ACADVL: variants seen among roughly 807,000 people sequenced by gnomAD.
The protein encoded by ACADVL is very long-chain acyl-CoA dehydrogenase, mitochondrial.
ACADVL carries 73 observed loss-of-function variants against 80.4 expected under a neutral mutation model. That is an observed-to-expected ratio of 0.91 (90% CI 0.75 to 1.10). ACADVL has a LOEUF of 1.10. Ranked by LOEUF, ACADVL falls within the 50% of genes least tolerant of loss-of-function variation. The probability of loss-of-function intolerance (pLI) is 0.00; values close to 1 mark genes in which losing one functional copy is unlikely to be tolerated. For missense variants in ACADVL, 878 were observed against 858.9 expected (o/e 1.02, Z -0.28); for synonymous variants, 392 against 326.5 (o/e 1.20, Z -2.16).
upstream of ACADVL, chr17:7,217,848 A>G: frequency 1.3e-6 from 2 of 1,530,070 alleles, no homozygotes; most frequent in Non-Finnish European, 1.8e-6. Flanking sequence ...AGAAGGAAGC[A>G]TCTATAGTTG....
chr17:7,223,008 C>T (rs1343147414), intron 10 of ACADVL, 125 bp from the exon 11 acceptor site: 1 of 1,437,872 alleles, frequency 7.0e-7, no homozygotes. Flanking sequence ...CTTAGGTCTC[C>T]ATCCAGCGTA....
At chr17:7,217,319 G>A, upstream of ACADVL, 1 of 968,932 alleles carries the variant, frequency 1.0e-6, no homozygotes, top group Non-Finnish European at 1.4e-6. Context: ...GGGAAGGGGA[G>A]GGGAGCGTGG....
intron 6 of ACADVL, 58 bp downstream of exon 6, chr17:7,221,116 C>A: frequency 1.2e-6 from 2 of 1,610,582 alleles, no homozygotes; most frequent in Non-Finnish European, 1.7e-6. Flanking sequence ...GCAGACTCAG[C>A]TCTTTTGCCA....
At chr17:7,222,960 C>A in intron 10 of ACADVL, 95 bp downstream of exon 10, 1 of 1,498,854 alleles carries the variant, frequency 6.7e-7, no homozygotes, top group Non-Finnish European at 9.2e-7. Context: ...ACTCCCTACA[C>A]TAGAAACTCC....
chr17:7,219,825 C>G (rs988173181), upstream of ACADVL: 6 of 1,534,192 alleles, frequency 3.9e-6, no homozygotes, highest in Admixed American at 4.0e-5. Flanking sequence ...GGGCCGGGCT[C>G]CAGGGAACTA....
chr17:7,222,641 T>C, intron 9 of ACADVL, 26 bp from the exon 10 acceptor site: 2 of 1,600,572 alleles, frequency 1.2e-6, no homozygotes, highest in Middle Eastern at 1.7e-4. Context: ...AACACACCTC[T>C]GCTTTCCCAC....
rs1295605212 is a variant in ACADVL, at chr17:7,224,542, G to C, written c.1668G>C (p.Lys556Asn). 2 of 1,606,942 alleles carry C rather than the reference G, an allele frequency of 1.2e-6. No homozygotes were observed. Among genetic ancestry groups the C allele is most frequent in the Non-Finnish European group, 1.7e-6 (2 of 1,177,882 alleles). ...AGGCCAAGCTGATAAAACACAAGAA[G>C]GGGATTGTCAGTAAGTGAGCTCTAC... ...VVEAKLIKHK[K>N]GIVNEQFLLQ... The change falls in exon 17 of 20, where the codon AAG becomes AAC. Residue 556 changes from lysine (K) to asparagine (N), a missense_variant. By Grantham distance (94) the Lys-to-Asn change is moderately conservative (BLOSUM62 0). Transcript: ENST00000356839.
rs2071266609 is a variant in ACADVL, at chr17:7,222,227, C to T, written c.803C>T (p.Thr268Ile). ...ACGGTCTTTGCCAAGACACCAGTTACAGATCCAGCCACAGGAGCCGTGAAG... is the reference window on the plus strand; with the variant it reads ...ACGGTCTTTGCCAAGACACCAGTTATAGATCCAGCCACAGGAGCCGTGAAG... Reference protein sequence around the residue: ...IFTVFAKTPVTDPATGAVKEK... With the variant: ...IFTVFAKTPVIDPATGAVKEK... The change falls in exon 9 of 20, where the codon ACA becomes ATA. Residue 268 changes from threonine (T) to isoleucine (I), a missense_variant. Transcript: ENST00000356839. The T allele has an allele frequency of 6.2e-7, 1 of 1,613,946 alleles. No homozygotes were observed. The highest frequency in any genetic ancestry group is 1.3e-5 in the African/African-American group (1 of 74,886).
At position 7,221,398 on chromosome 17, in the gene ACADVL, A is replaced by G. The variant is rs1254742500; in HGVS notation, c.478-140A>G. On this transcript the variant is annotated intron_variant, in intron 6 of 19. Coordinates refer to ENST00000356839, the MANE Select transcript of ACADVL (RefSeq NM_000018.4). ...TGCACACCCCACTTCTTTTCTACACACTGGGGATGGCCCAGGTCAGGCACT... is the reference window on the plus strand; with the variant it reads ...TGCACACCCCACTTCTTTTCTACACGCTGGGGATGGCCCAGGTCAGGCACT... 21 of 1,433,996 alleles carry G rather than the reference A, an allele frequency of 1.5e-5. No individual in the cohort carries two copies. The Admixed American group carries it at 2.7e-4, about 19-fold the overall frequency. The allele number at this position is 1,433,996 out of a possible 1,614,324, so 88.8% of individuals were successfully genotyped here. A position where few individuals can be genotyped will look rare whatever the true frequency, so the allele number is the denominator to read the frequency against.
intron 1 of ACADVL, 35 bp from the exon 2 acceptor site, chr17:7,220,087 G>C (rs774905326): frequency 6.3e-7 from 1 of 1,594,024 alleles, no homozygotes; most frequent in Non-Finnish European, 8.5e-7. Flanking sequence ...GCGGCCCTGG[G>C]CACCGGGCCG....
At chr17:7,219,875 C>T (rs78514016), upstream of ACADVL, 7,848 of 1,540,706 alleles carry the variant, frequency 5.1e-3, 31 homozygotes, top group Non-Finnish European at 6.0e-3. Context: ...CCGTCCGCCG[C>T]CCGGTGCACT....
chr17:7,222,510 CCTTAGCCCTCAGGGCCTGAGG>C, intron 9 of ACADVL, 136 bp from the exon 10 acceptor site: 1 of 1,146,274 alleles, frequency 8.7e-7, no homozygotes, highest in Non-Finnish European at 1.2e-6. Context: ...AGCCAGGCCT[CCTTAGCCCTCAGGGCCTGAGG>C]GGAAGTGGTG....
In ACADVL at chr17:7,222,961, T is replaced by C. The variant is rs1048070962; in HGVS notation, c.1077+96T>C. On this transcript the variant is annotated intron_variant, in intron 10 of 19. Coordinates refer to ENST00000356839, the MANE Select transcript of ACADVL (RefSeq NM_000018.4). Reference sequence around the variant, plus strand: ...GATCACTTGCAGGCACTCCCTACACTAGAAACTCCTCCCCTACCAGCAGCC... The same window carrying C: ...GATCACTTGCAGGCACTCCCTACACCAGAAACTCCTCCCCTACCAGCAGCC... 3 of 1,499,678 alleles carry C rather than the reference T, an allele frequency of 2.0e-6. No individual in the cohort carries two copies. The African/African-American group carries it at 4.1e-5, about 21-fold the overall frequency. The allele number at this position is 1,499,678 out of a possible 1,614,324, so 92.9% of individuals were successfully genotyped here.
chr17:7,219,157 A>C, upstream of ACADVL: 1 of 444,898 alleles, frequency 2.2e-6, no homozygotes, highest in South Asian at 3.4e-5. Context: ...GCCTCCTCTC[A>C]CCCCAATGAG....
intron 17 of ACADVL, 34 bp from the exon 18 acceptor site, chr17:7,224,608 C>CGGCGGG: frequency 1.4e-6 from 2 of 1,459,416 alleles, no homozygotes; most frequent in Non-Finnish European, 1.8e-6. Flanking sequence ...AGACTAATGC[C>CGGCGGG]CCCACCCCCA....
At chr17:7,223,475 C>A in intron 11 of ACADVL, 169 bp from the exon 12 acceptor site, 1 of 878,070 alleles carries the variant, frequency 1.1e-6, no homozygotes. Flanking sequence ...ACATCCACCC[C>A]TTTTAAGAAA....
At chr17:7,218,529 C>T (rs751166082), upstream of ACADVL, 64 of 1,554,872 alleles carry the variant, frequency 4.1e-5, 1 homozygote, top group South Asian at 3.0e-4. Flanking sequence ...CCTCAGAAAA[C>T]GGGCTACTCA....
At position 7,221,678 on chromosome 17, in the gene ACADVL, A is replaced by C; in HGVS notation, c.618A>C (p.Ala206=). 1.2e-6 allele frequency: 2 copies of C among 1,613,820 alleles called. No individual in the cohort carries two copies. Among genetic ancestry groups the C allele is most frequent in the Non-Finnish European group, 1.7e-6 (2 of 1,180,034 alleles). The change falls in exon 7 of 20, where the codon GCA becomes GCC. Residue 206 remains alanine (A), a synonymous_variant. Coordinates refer to ENST00000356839, the MANE Select transcript of ACADVL (RefSeq NM_000018.4). ...AQKEKYLPKL[A]SGETVAAFCL... ...AAGAAAAATACCTCCCCAAGCTGGC[A>C]TCTGGTGAGGCAACCCTAGGAGAGC...
Position 7,220,916 on chromosome 17 carries a change from T to A in ACADVL, c.343-8T>A, listed in dbSNP as rs778878911. 2.5e-6 allele frequency: 4 copies of A among 1,614,098 alleles called. No individual in the cohort carries two copies. The highest frequency in any genetic ancestry group is 3.3e-4 in the Middle Eastern group (2 of 6,062). Reference sequence around the variant, plus strand: ...GAGCCTGGATGTGGGATCCTGTGCCTTCCCCAGGAAGTGAACGATCCCGCC... The same window carrying A: ...GAGCCTGGATGTGGGATCCTGTGCCATCCCCAGGAAGTGAACGATCCCGCC... On this transcript the variant is annotated splice_polypyrimidine_tract_variant and splice_region_variant and intron_variant, in intron 5 of 19. Transcript: ENST00000356839.
Sources: allele counts gnomAD v4.1 joint callset, GRCh38; gene constraint gnomAD v4.1.1; transcripts MANE v1.5; gene names NCBI Gene and HGNC (gene_info 2026-07-23, HGNC 2026-07-21).